Variants in ZNF644 observed in about 807,000 individuals in gnomAD.
The protein encoded by ZNF644 is zinc finger protein 644.
A neutral mutation model predicts 108.0 loss-of-function variants in ZNF644; 20 were observed. The ratio of observed to expected loss-of-function variants is 0.19; its 90% confidence interval spans 0.13 to 0.27. The LOEUF is 0.27. Ranked by LOEUF, ZNF644 falls within the 10% of genes least tolerant of loss-of-function variation. ZNF644 has a pLI of 1.00. For missense variants in ZNF644, 1,338 were observed against 1,548.9 expected (o/e 0.86, Z 2.29); for synonymous variants, 542 against 539.1 (o/e 1.01, Z -0.08).
intron 4 of ZNF644, among the ~76,000 whole-genome samples, chr1:90,921,600 G>A (rs1032281356): frequency 1.3e-5 from 2 of 151,730 alleles, no homozygotes; most frequent in African/African-American, 4.8e-5. Context: ...ATTACTATTC[G>A]GTGGGCAGAA....
intron 2 of ZNF644, among the ~76,000 whole-genome samples, chr1:90,973,370 T>C (rs1013296762): frequency 5.3e-5 from 8 of 152,318 alleles, no homozygotes; most frequent in Middle Eastern, 3.4e-3. Context: ...TTTACCACTC[T>C]GTTGAGAGCA....
chr1:90,931,760 G>A (rs1650754840), intron 4 of ZNF644, among the ~76,000 whole-genome samples: 1 of 151,790 alleles, frequency 6.6e-6, no homozygotes, highest in African/African-American at 2.4e-5. Flanking sequence ...GGAAGATAAT[G>A]ACCCCACAAT....
chr1:90,929,289 T>A (rs892585349), intron 4 of ZNF644, among the ~76,000 whole-genome samples: 2 of 152,208 alleles, frequency 1.3e-5, no homozygotes, highest in Non-Finnish European at 2.9e-5. Flanking sequence ...TTGTATACTA[T>A]CTTGCATAGT....
rs773181665 is a variant in ZNF644 at position 90,941,071 on chromosome 1, A to G, written c.283T>C (p.Phe95Leu). The G allele has an allele frequency of 5.6e-6, 9 of 1,614,144 alleles. No individual in the cohort carries two copies. Among genetic ancestry groups the G allele is most frequent in the East Asian group, 2.2e-5 (1 of 44,878 alleles). Residue 95 changes from phenylalanine to leucine, a missense_variant, in exon 3 of 6, where the codon TTT becomes CTT. By Grantham distance (22) the Phe-to-Leu change is conservative. This residue lies in a region of ZNF644 where 464 missense variants were observed against 457.9 expected (regional missense o/e 1.01). Transcript: ENST00000337393. ...ACAGTAGGAGCACCAGCATGTATAA[A>G]TAGACTAGACTGGCCTCCACTTAAG... ...NALSGGQSSL[F>L]IHAGAPTVSS...
chr1:90,967,996 G>A (rs993909123), intron 2 of ZNF644, among the ~76,000 whole-genome samples: 2 of 147,410 alleles, frequency 1.4e-5, no homozygotes, highest in African/African-American at 5.0e-5. Flanking sequence ...GGGAGGCGGA[G>A]GTTGCAGTGT....
At chr1:90,962,940 CAA>C (rs1227427563) in intron 2 of ZNF644, among the ~76,000 whole-genome samples, 1 of 152,002 alleles carries the variant, frequency 6.6e-6, no homozygotes, top group Non-Finnish European at 1.5e-5. Context: ...TAAGAGCAAA[CAA>C]TGATAAAATG....
At chr1:90,994,753 C>A (rs763944684) in intron 1 of ZNF644, among the ~76,000 whole-genome samples, 1 of 152,056 alleles carries the variant, frequency 6.6e-6, no homozygotes, top group Non-Finnish European at 1.5e-5. Context: ...AGTAAAATTC[C>A]GAGAAGCAAG....
chr1:91,012,680 G>A (rs1443707588), intron 1 of ZNF644, among the ~76,000 whole-genome samples: 1 of 152,010 alleles, frequency 6.6e-6, no homozygotes, highest in Non-Finnish European at 1.5e-5. Flanking sequence ...CACGGAAAAT[G>A]CTTGCATTCC....
intron 2 of ZNF644, among the ~76,000 whole-genome samples, chr1:90,950,304 GGGGAC>G (rs1295058999): frequency 6.4e-5 from 4 of 62,316 alleles, no homozygotes; most frequent in Non-Finnish European, 1.1e-4. Context: ...GGGGAGGGGA[GGGGAC>G]AAAAGAAAAG....
Position 90,942,944 on chromosome 1 carries a change from C to T in ZNF644, c.45-1635G>A, listed in dbSNP as rs1055342048. Among the ~76,000 whole-genome samples, 5 of 152,178 alleles carry T rather than the reference C, an allele frequency of 3.3e-5. No individual in the cohort carries two copies. In the South Asian group the frequency reaches 6.2e-4, roughly 19 times the overall value. On this transcript the variant is annotated intron_variant, in intron 2 of 5. Coordinates refer to ENST00000337393, the MANE Select transcript of ZNF644 (RefSeq NM_201269.3). ...AAACAAGACAAGTTAGGTTCCTGCT[C>T]TCAGATAAAGAATGAAGCCTGTATA...
At chr1:90,953,237 T>G (rs1198921689) in intron 2 of ZNF644, among the ~76,000 whole-genome samples, 1 of 152,016 alleles carries the variant, frequency 6.6e-6, no homozygotes, top group Non-Finnish European at 1.5e-5. Flanking sequence ...ACCTTGGAGA[T>G]ACTGTGGGTT....
chr1:91,016,253 T>C (rs1660424251), intron 1 of ZNF644, among the ~76,000 whole-genome samples: 1 of 152,076 alleles, frequency 6.6e-6, no homozygotes, highest in Non-Finnish European at 1.5e-5. Flanking sequence ...CAATAAATGG[T>C]GCTCTGAAAG....
chr1:91,007,225 GTTTTTTTTTTTT>G lies in ZNF644; in HGVS notation c.-18+14753_-18+14764del, dbSNP rs35761791. 1.8e-4 allele frequency among the ~76,000 whole-genome samples: 10 copies of G among 56,000 alleles called. No homozygotes were observed. The East Asian group carries it at 5.2e-3, about 29-fold the overall frequency. The allele number at this position is 56,000 out of a possible 152,430, so 36.7% of individuals were successfully genotyped here. On this transcript the variant is annotated intron_variant, in intron 1 of 5. Coordinates refer to ENST00000337393, the MANE Select transcript of ZNF644 (RefSeq NM_201269.3). ...AATTTCTTCCATTTTCTCCCATTTT[GTTTTTTTTTTTT>G]TTTTTTTTTTTTTTTTGAGACAGTG... is the stretch of plus-strand genomic sequence containing the variant.
At chr1:91,003,846 G>A (rs1462167489) in intron 1 of ZNF644, among the ~76,000 whole-genome samples, 1 of 151,572 alleles carries the variant, frequency 6.6e-6, no homozygotes, top group African/African-American at 2.4e-5. Flanking sequence ...ATAACTAAAA[G>A]AAACCCATGT....
intron 4 of ZNF644, among the ~76,000 whole-genome samples, chr1:90,934,959 C>G (rs896179771): frequency 1.6e-4 from 24 of 152,164 alleles, no homozygotes; most frequent in African/African-American, 5.8e-4. Flanking sequence ...TGACTATTCA[C>G]AGGCACAATC....
chr1:91,016,545 A>C (rs1376904925), intron 1 of ZNF644, among the ~76,000 whole-genome samples: 1 of 152,236 alleles, frequency 6.6e-6, no homozygotes, highest in East Asian at 1.9e-4. Context: ...GTAAAAATAC[A>C]GTATTACAAT....
In ZNF644 at chr1:90,941,318, T is replaced by C; in HGVS notation, c.45-9A>G. 10 of 1,589,412 alleles carry C rather than the reference T, an allele frequency of 6.3e-6. No individual in the cohort carries two copies. Among genetic ancestry groups the C allele is most frequent in the Middle Eastern group, 1.9e-4 (1 of 5,328 alleles). ...CATTTAACACATTTAGTCTAGAAAA[T>C]GGAAAAAAAAAATTTAGATTTGCAT... On this transcript the variant is annotated splice_polypyrimidine_tract_variant and intron_variant, in intron 2 of 5. Transcript: ENST00000337393.
rs564086950 is a variant in ZNF644, at chr1:90,976,258, C to T, written c.44+6052G>A. 2.6e-5 allele frequency among the ~76,000 whole-genome samples: 4 copies of T among 152,226 alleles called. No homozygotes were observed. The South Asian group carries it at 6.2e-4, about 24-fold the overall frequency. On this transcript the variant is annotated intron_variant, in intron 2 of 5. Coordinates refer to ENST00000337393, the MANE Select transcript of ZNF644 (RefSeq NM_201269.3). ...CCTTTCCTGACTTCTTCCTTAAAAA[C>T]GTCCTCCTCAGGCCTACTACTACAC...
intron 4 of ZNF644, among the ~76,000 whole-genome samples, chr1:90,927,972 TAGCTGGGATTAC>T (rs1404010055): frequency 6.6e-6 from 1 of 151,532 alleles, no homozygotes; most frequent in Non-Finnish European, 1.5e-5. Flanking sequence ...GCCTCCTGAG[TAGCTGGGATTAC>T]AGGCGCCCAC....
Sources: gnomAD v4.1 joint callset for allele counts (sites outside exome capture counted in the v4.1 genomes callset) on GRCh38, gnomAD v4.1.1 for gene constraint, gnomAD v4.1.1 regional missense constraint, MANE v1.5 for transcripts, NCBI Gene and HGNC (gene_info 2026-07-23, HGNC 2026-07-21) for gene names.